SNX29: variants seen among roughly 807,000 people sequenced by gnomAD.
The protein encoded by SNX29 is sorting nexin 29, also known as sorting nexin-29.
In SNX29, 78 loss-of-function variants were observed where a neutral mutation model predicts 102.1. The observed-to-expected ratio is 0.76, with a 90% confidence interval of 0.64 to 0.92. The LOEUF (loss-of-function observed/expected upper bound fraction) is 0.92, where lower values mean the gene tolerates loss of function less well. SNX29 is among the 40% of genes least tolerant of loss of function. SNX29 has a pLI of 0.00. For missense variants in SNX29, 1,280 were observed against 1,061.7 expected (o/e 1.21, Z -2.86); for synonymous variants, 580 against 414.5 (o/e 1.40, Z -4.85).
At chr16:12,353,402 G>GACACACA (rs2082044497) in intron 15 of SNX29, among the ~76,000 whole-genome samples, 1 of 151,654 alleles carries the variant, frequency 6.6e-6, no homozygotes, top group African/African-American at 2.4e-5. Context: ...CCCCAGATGT[G>GACACACA]CTGCCAAGCC....
At chr16:12,257,738 G>C (rs1394335589) in intron 14 of SNX29, among the ~76,000 whole-genome samples, 3 of 149,000 alleles carry the variant, frequency 2.0e-5, no homozygotes, top group Non-Finnish European at 3.0e-5. Context: ...GCATTGCCTA[G>C]GCTGGTCTCG....
chr16:12,082,803 C>G (rs1017580639), intron 11 of SNX29, among the ~76,000 whole-genome samples: 2 of 152,026 alleles, frequency 1.3e-5, no homozygotes, highest in Non-Finnish European at 2.9e-5. Context: ...TGTTGTCTAC[C>G]CTGGATGTCA....
chr16:12,206,816 T>A (rs1313263609), intron 14 of SNX29, among the ~76,000 whole-genome samples: 2 of 147,600 alleles, frequency 1.4e-5, no homozygotes, highest in South Asian at 4.4e-4. Flanking sequence ...ATGAGGTGGT[T>A]TTTTTTTTTT....
chr16:12,013,497 AAAAATATATATAT>A (rs1567525614), intron 3 of SNX29, among the ~76,000 whole-genome samples: 1 of 63,324 alleles, frequency 1.6e-5, no homozygotes, highest in East Asian at 7.1e-4. Context: ...GGAAAAAAAA[AAAAATATATATAT>A]ATATATATAT....
chr16:12,537,806 G>T (rs2077143260), intron 20 of SNX29, among the ~76,000 whole-genome samples: 2 of 152,026 alleles, frequency 1.3e-5, no homozygotes, highest in African/African-American at 4.8e-5. Context: ...CTATATCAGA[G>T]AGGTGTGTCC....
rs562402573 is a variant in SNX29 at position 12,044,593 on chromosome 16, T to C, written c.428+1516T>C. Among the ~76,000 whole-genome samples, 3 of 152,154 alleles carry C rather than the reference T, an allele frequency of 2.0e-5. No homozygotes were observed. In the East Asian group the frequency reaches 5.8e-4, roughly 29 times the overall value. On this transcript the variant is annotated intron_variant, in intron 5 of 20. Coordinates refer to ENST00000566228, the MANE Select transcript of SNX29 (RefSeq NM_032167.5). ...CACTCCTGTTTCTTTCTTTCCTTTTTTTTGAGAAGAAGTCTCGCTTTTTTG... is the reference window on the plus strand; with the variant it reads ...CACTCCTGTTTCTTTCTTTCCTTTTCTTTGAGAAGAAGTCTCGCTTTTTTG...
At chr16:12,478,543 C>G (rs569976581) in intron 19 of SNX29, among the ~76,000 whole-genome samples, 1 of 152,310 alleles carries the variant, frequency 6.6e-6, no homozygotes, top group East Asian at 1.9e-4. Context: ...TAATATTATT[C>G]ACTCAGCAGT....
At chr16:12,272,417 C>T (rs556864628) in intron 14 of SNX29, among the ~76,000 whole-genome samples, 8 of 152,338 alleles carry the variant, frequency 5.3e-5, no homozygotes, top group South Asian at 2.1e-4. Flanking sequence ...GCTGTGAGTT[C>T]GCCATTTTGC....
At chr16:12,544,394 G>T (rs1480127051) in intron 20 of SNX29, among the ~76,000 whole-genome samples, 2 of 152,196 alleles carry the variant, frequency 1.3e-5, no homozygotes, top group Non-Finnish European at 2.9e-5. Flanking sequence ...TTGTGAGGTG[G>T]TTCTGCTAAA....
chr16:12,550,658 A>AG (rs1330476131), intron 20 of SNX29, among the ~76,000 whole-genome samples: 30 of 152,274 alleles, frequency 2.0e-4, no homozygotes, highest in African/African-American at 6.5e-4. Context: ...CACTTAGTGG[A>AG]GGACCAAGGT....
At chr16:12,105,606 A>G (rs2053201647) in intron 11 of SNX29, among the ~76,000 whole-genome samples, 2 of 152,088 alleles carry the variant, frequency 1.3e-5, no homozygotes, top group South Asian at 2.1e-4. Context: ...ATTAGTCTAT[A>G]TGTGATTTTC....
chr16:12,491,099 A>G (rs1456813093), intron 19 of SNX29, among the ~76,000 whole-genome samples: 2 of 152,268 alleles, frequency 1.3e-5, no homozygotes, highest in Non-Finnish European at 2.9e-5. Context: ...GGGCATTCTA[A>G]TGCATTAACT....
chr16:11,979,373 C>G (rs1156344219), intron 1 of SNX29, among the ~76,000 whole-genome samples: 1 of 149,502 alleles, frequency 6.7e-6, no homozygotes, highest in Non-Finnish European at 1.5e-5. Context: ...AGGATGAAAA[C>G]CTTCTTTTGG....
intron 14 of SNX29, among the ~76,000 whole-genome samples, chr16:12,218,563 G>A (rs1596537524): frequency 3.3e-5 from 5 of 152,266 alleles, no homozygotes; most frequent in South Asian, 4.1e-4. Flanking sequence ...CATCTGGCCC[G>A]CTGAAGAAAA....
intron 18 of SNX29, among the ~76,000 whole-genome samples, chr16:12,436,475 G>A (rs139122571): frequency 1.3e-5 from 2 of 152,346 alleles, no homozygotes; most frequent in African/African-American, 4.8e-5. Context: ...CCTGCCAGAT[G>A]CCATTTCAGG....
At position 12,403,598 on chromosome 16, in the gene SNX29, C is replaced by T. The variant is rs2084048030; in HGVS notation, c.2037+69C>T. The T allele has an allele frequency of 4.2e-6, 6 of 1,433,778 alleles. 1 individual carries two copies. The Admixed American group carries it at 1.2e-4, about 28-fold the overall frequency. 88.8% of individuals were successfully genotyped at this position (1,433,778 alleles called of 1,614,324 possible). A position where few individuals can be genotyped will look rare whatever the true frequency, so the allele number is the denominator to read the frequency against. ...AACGCCCATTTGTCATGCTGTGGTG[C>T]TTTTTGCCTCTTGGTGGTGGGGCGC... is the stretch of plus-strand genomic sequence containing the variant. On this transcript the variant is annotated intron_variant, in intron 18 of 20. Coordinates refer to ENST00000566228, the MANE Select transcript of SNX29 (RefSeq NM_032167.5).
chr16:12,537,554 G>A (rs139457798), intron 20 of SNX29, among the ~76,000 whole-genome samples: 233 of 152,280 alleles, frequency 1.5e-3, no homozygotes, highest in African/African-American at 5.4e-3. Flanking sequence ...GGAGCTTCTC[G>A]AAGGGAAGCA....
chr16:12,194,482 C>T (rs1408277145), intron 13 of SNX29, among the ~76,000 whole-genome samples: 1 of 151,962 alleles, frequency 6.6e-6, no homozygotes, highest in African/African-American at 2.4e-5. Context: ...TGGGGAGGGC[C>T]TTATTTCACC....
chr16:12,568,573 T>TCCCGGGGTCAGC lies in SNX29; in HGVS notation c.2393_2404dup (p.Gly798_Arg801dup), dbSNP rs1299208349. ...AGCAGCTTCCCGCTTCCCCAAACTG[T>TCCCGGGGTCAGC]CCCGGGGTCAGCCCCGGGAGACCCG... On this transcript the variant is annotated inframe_insertion, in exon 21 of 21. Coordinates refer to ENST00000566228, the MANE Select transcript of SNX29 (RefSeq NM_032167.5). 2 of 1,607,722 alleles carry TCCCGGGGTCAGC rather than the reference T, an allele frequency of 1.2e-6. No homozygotes were observed. Among genetic ancestry groups the TCCCGGGGTCAGC allele is most frequent in the African/African-American group, 2.7e-5 (2 of 74,882 alleles).
Sources: gnomAD v4.1 joint callset for allele counts (sites outside exome capture counted in the v4.1 genomes callset) on GRCh38, gnomAD v4.1.1 for gene constraint, MANE v1.5 for transcripts, NCBI Gene and HGNC (gene_info 2026-07-23, HGNC 2026-07-21) for gene names.